Variants in MYO3A observed in about 807,000 individuals in gnomAD.
MYO3A encodes the protein myosin IIIA.
A neutral mutation model predicts 192.7 loss-of-function variants in MYO3A; 180 were observed. The observed-to-expected ratio is 0.93, with a 90% confidence interval of 0.83 to 1.06. MYO3A has a LOEUF of 1.06. Among genes scored for constraint, MYO3A ranks in the 50% least tolerant of loss-of-function variants. The pLI, the probability that MYO3A is intolerant of heterozygous loss-of-function variation, is 0.00. For synonymous variants in MYO3A, 628 were observed against 645.3 expected (o/e 0.97, Z 0.41); for missense variants, 1,896 against 1,905.0 (o/e 1.00, Z 0.09).
chr10:26,199,046 A>G (rs917543100), intron 32 of MYO3A, among the ~76,000 whole-genome samples: 11 of 152,226 alleles, frequency 7.2e-5, no homozygotes, highest in Admixed American at 7.2e-4. Flanking sequence ...CAAAGGGTAG[A>G]GGTTAATGCA....
chr10:26,148,537 C>T (rs1262453395), intron 23 of MYO3A, among the ~76,000 whole-genome samples: 1 of 152,130 alleles, frequency 6.6e-6, no homozygotes, highest in Non-Finnish European at 1.5e-5. Flanking sequence ...TACCAAAAAT[C>T]CTGGTTGGGT....
At chr10:26,134,097 A>C (rs1317362756) in intron 20 of MYO3A, among the ~76,000 whole-genome samples, 1 of 152,204 alleles carries the variant, frequency 6.6e-6, no homozygotes, top group East Asian at 1.9e-4. Context: ...AAAGTGACTA[A>C]ATTGGAATTT....
chr10:25,963,796 C>T (rs1436606589), intron 4 of MYO3A, among the ~76,000 whole-genome samples: 1 of 152,126 alleles, frequency 6.6e-6, no homozygotes, highest in Non-Finnish European at 1.5e-5. Context: ...GTTTAAAGGG[C>T]AGGATAGAAA....
chr10:25,956,446 G>A (rs1312440536), intron 4 of MYO3A, among the ~76,000 whole-genome samples: 1 of 150,330 alleles, frequency 6.7e-6, no homozygotes, highest in Non-Finnish European at 1.5e-5. Flanking sequence ...TCGAGCCTCA[G>A]CCTCACAAGT....
chr10:26,063,530 T>C lies in MYO3A; in HGVS notation c.954-3445T>C, dbSNP rs1834635286. Among the ~76,000 whole-genome samples, 3 of 152,222 alleles carry C rather than the reference T, an allele frequency of 2.0e-5. No individual in the cohort carries two copies. The South Asian group carries it at 6.2e-4, about 32-fold the overall frequency. ...TTTTTTTTGCATGTGAATGTCCAATTGTTCCAGCACCATATGTTGAAAAGA... is the reference window on the plus strand; with the variant it reads ...TTTTTTTTGCATGTGAATGTCCAATCGTTCCAGCACCATATGTTGAAAAGA... On this transcript the variant is annotated intron_variant, in intron 10 of 34. Coordinates refer to ENST00000642920, the MANE Select transcript of MYO3A (RefSeq NM_017433.5).
In MYO3A at chr10:26,088,393, T is replaced by C; in HGVS notation, c.1550T>C (p.Ile517Thr). The C allele has an allele frequency of 6.2e-7, 1 of 1,613,462 alleles. No homozygotes were observed. Among genetic ancestry groups the C allele is most frequent in the Non-Finnish European group, 8.5e-7 (1 of 1,179,504 alleles). The change falls in exon 15 of 35, where the codon ATC becomes ACC. Residue 517 changes from isoleucine to threonine, a missense_variant. Coordinates refer to ENST00000642920, the MANE Select transcript of MYO3A (RefSeq NM_017433.5). Reference sequence around the variant, plus strand: ...TATCTCCTGGAAAAATCCCGAGTTATCCACCAAGCTATGTAAGTTTATTTC... The same window carrying C: ...TATCTCCTGGAAAAATCCCGAGTTACCCACCAAGCTATGTAAGTTTATTTC... ...SEYLLEKSRV[I>T]HQAIGEKNFH...
Position 26,173,790 on chromosome 10 carries a change from A to T in MYO3A, c.3526A>T (p.Thr1176Ser), listed in dbSNP as rs773127499. 2.5e-6 allele frequency: 4 copies of T among 1,614,160 alleles called. No homozygotes were observed. In the South Asian group the frequency reaches 4.4e-5, roughly 18 times the overall value. The part of the protein sequence containing the change: ...TSTFKPEEET[T>S]NAVESNNRVY... ...CACTTTCAAACCTGAAGAGGAAACC[A>T]CCAATGCTGTGGAGAGTAACAACAG... The change falls in exon 30 of 35, where the codon ACC (threonine) becomes TCC (serine). Residue 1176 changes from threonine to serine, a missense_variant. Transcript: ENST00000642920.
chr10:26,159,633 C>T (rs1183870016), intron 26 of MYO3A, among the ~76,000 whole-genome samples: 2 of 152,208 alleles, frequency 1.3e-5, no homozygotes, highest in African/African-American at 2.4e-5. Context: ...CCAGCCTCGG[C>T]CTCCCAAAGT....
intron 6 of MYO3A, among the ~76,000 whole-genome samples, chr10:26,002,248 T>C (rs1001293811): frequency 6.6e-6 from 1 of 152,226 alleles, no homozygotes; most frequent in Non-Finnish European, 1.5e-5. Context: ...CCCTCTCCTC[T>C]GCACTGTTAT....
At chr10:26,156,125 C>T (rs181830184) in intron 25 of MYO3A, among the ~76,000 whole-genome samples, 12 of 152,116 alleles carry the variant, frequency 7.9e-5, no homozygotes, top group East Asian at 7.7e-4. Context: ...GATGTTCGCA[C>T]GAGTAAAGGA....
intron 10 of MYO3A, among the ~76,000 whole-genome samples, chr10:26,060,899 T>C (rs559076729): frequency 6.6e-6 from 1 of 151,938 alleles, no homozygotes; most frequent in African/African-American, 2.4e-5. Flanking sequence ...GTAATGAAGA[T>C]TCAAGACAAC....
chr10:26,130,093 T>C (rs1302239281), intron 20 of MYO3A, among the ~76,000 whole-genome samples: 1 of 152,048 alleles, frequency 6.6e-6, no homozygotes, highest in Non-Finnish European at 1.5e-5. Context: ...GTTTATAAAA[T>C]GTTAGTTTAC....
At chr10:26,163,396 G>T (rs1218608255) in intron 26 of MYO3A, among the ~76,000 whole-genome samples, 1 of 152,148 alleles carries the variant, frequency 6.6e-6, no homozygotes. Flanking sequence ...AGCTGTGGAC[G>T]GTGGCTGGGG....
At position 25,935,842 on chromosome 10, in the gene MYO3A, A is replaced by C. The variant is rs1037882734; in HGVS notation, c.-18+12A>C. On this transcript the variant is annotated intron_variant, in intron 2 of 34. Transcript: ENST00000642920. Reference sequence around the variant, plus strand: ...AAGCTTTGCTAACGGTAGGTGATAAAATTGACAAGTGTTCTGGGTTTGCCA... The same window carrying C: ...AAGCTTTGCTAACGGTAGGTGATAACATTGACAAGTGTTCTGGGTTTGCCA... The C allele has an allele frequency of 6.6e-6, 1 of 152,196 alleles. No individual in the cohort carries two copies. The highest frequency in any genetic ancestry group is 6.5e-5 in the Admixed American group (1 of 15,278). 9.4% of individuals were successfully genotyped at this position (152,196 alleles called of 1,614,324 possible).
intron 26 of MYO3A, among the ~76,000 whole-genome samples, chr10:26,163,696 G>A (rs776384213): frequency 2.0e-5 from 3 of 152,196 alleles, no homozygotes; most frequent in Non-Finnish European, 2.9e-5. Flanking sequence ...AAGTTAACCA[G>A]GTGGGCATGT....
chr10:26,107,420 G>A (rs1837881845), intron 17 of MYO3A, among the ~76,000 whole-genome samples: 1 of 147,610 alleles, frequency 6.8e-6, no homozygotes, highest in Non-Finnish European at 1.5e-5. Flanking sequence ...AGCAGAGGTT[G>A]CAACGAGCCA....
rs372309863 is a variant in MYO3A, at chr10:26,080,590, T to TG, written c.1360-7607dup. 1.6e-3 allele frequency among the ~76,000 whole-genome samples: 86 copies of TG among 53,550 alleles called. 2 individuals carry two copies. The highest frequency in any genetic ancestry group is 2.9e-3 in the South Asian group (3 of 1,026). The allele number at this position is 53,550 out of a possible 152,430, so 35.1% of individuals were successfully genotyped here. On this transcript the variant is annotated intron_variant, in intron 14 of 34. Coordinates refer to ENST00000642920, the MANE Select transcript of MYO3A (RefSeq NM_017433.5). The stretch of plus-strand genomic sequence containing the variant: ...TGCTGGTGAACTAGTGTAATTTTTT[T>TG]GGGGGGAGGCGGGGCGGGGGTGGGT...
At chr10:26,052,449 G>A (rs969592285) in intron 10 of MYO3A, among the ~76,000 whole-genome samples, 2 of 152,146 alleles carry the variant, frequency 1.3e-5, no homozygotes, top group African/African-American at 2.4e-5. Context: ...AGGCTGGTGT[G>A]TGCTTCCTTC....
chr10:25,996,322 A>G (rs1369133001), intron 4 of MYO3A, among the ~76,000 whole-genome samples, 168 bp from the exon 5 acceptor site: 1 of 152,246 alleles, frequency 6.6e-6, no homozygotes, highest in Non-Finnish European at 1.5e-5. Flanking sequence ...ATTTTACACA[A>G]GTCTAAGTTT....
Sources: allele counts gnomAD v4.1 joint callset (sites outside exome capture counted in the v4.1 genomes callset), GRCh38; gene constraint gnomAD v4.1.1; transcripts MANE v1.5; gene names NCBI Gene and HGNC (gene_info 2026-07-23, HGNC 2026-07-21).